Variants in ZBTB7A observed in about 807,000 individuals in gnomAD.
The protein encoded by ZBTB7A is zinc finger and BTB domain-containing protein 7A.
ZBTB7A carries 7 observed loss-of-function variants against 26.7 expected under a neutral mutation model. The observed-to-expected ratio is 0.26, with a 90% CI of 0.15 to 0.49. The LOEUF (loss-of-function observed/expected upper bound fraction) is 0.49. Ranked by LOEUF, ZBTB7A falls within the 20% of genes least tolerant of loss-of-function variation. The pLI, the probability that ZBTB7A is intolerant of heterozygous loss-of-function variation, is 0.98. For missense variants in ZBTB7A, 617 were observed against 919.5 expected, an observed-to-expected ratio of 0.67 and a Z score of 4.25; for synonymous variants, 452 against 441.0, an observed-to-expected ratio of 1.02 and a Z score of -0.31.
At position 4,049,554 on chromosome 19, in the gene ZBTB7A, C is replaced by T. The variant is rs550680619; in HGVS notation, c.1263-1310G>A. Among the ~76,000 whole-genome samples the T allele has an allele frequency of 4.6e-5, 7 of 152,190 alleles. No individual in the cohort carries two copies. The East Asian group carries it at 5.8e-4, about 13-fold the overall frequency. On this transcript the variant is annotated intron_variant, in intron 2 of 2. Coordinates refer to ENST00000322357, the MANE Select transcript of ZBTB7A (RefSeq NM_015898.4). ...ATCCCTGCCCTCTCGAGGCTGGCGGCGGCCGAGGTGTTTGGTGACAGATAG... is the reference window on the plus strand; with the variant it reads ...ATCCCTGCCCTCTCGAGGCTGGCGGTGGCCGAGGTGTTTGGTGACAGATAG...
intron 2 of ZBTB7A, among the ~76,000 whole-genome samples, chr19:4,049,126 T>C (rs1043160340): frequency 7.6e-6 from 1 of 131,356 alleles, no homozygotes; most frequent in African/African-American, 2.8e-5. Context: ...CACCACACCC[T>C]ATTAAATAGC....
At chr19:4,049,431 G>A (rs2040473375) in intron 2 of ZBTB7A, among the ~76,000 whole-genome samples, 1 of 151,220 alleles carries the variant, frequency 6.6e-6, no homozygotes, top group Non-Finnish European at 1.5e-5. Context: ...CCAGTGCCTG[G>A]TGCCTTCATT....
chr19:4,050,303 C>T (rs983609309), intron 2 of ZBTB7A, among the ~76,000 whole-genome samples: 7 of 152,168 alleles, frequency 4.6e-5, no homozygotes, highest in East Asian at 1.9e-4. Context: ...TCAAGTGATC[C>T]GCCTGCCTCG....
rs750989184 is a variant in ZBTB7A at position 4,048,276 on chromosome 19, G to A, written c.1263-32C>T. 8 of 1,541,242 alleles carry A rather than the reference G, an allele frequency of 5.2e-6. No individual in the cohort carries two copies. Among genetic ancestry groups the A allele is most frequent in the East Asian group, 2.5e-5 (1 of 39,420 alleles). Reference sequence around the variant, plus strand: ...ACGGGGCACGGGGCGGGCACGGTCAGTGGGGCCGGGGACCCCCGATCCCCG... The same window carrying A: ...ACGGGGCACGGGGCGGGCACGGTCAATGGGGCCGGGGACCCCCGATCCCCG... On this transcript the variant is annotated intron_variant, in intron 2 of 2. Transcript: ENST00000322357. This position sits in a 1 kb window ranked among gnomAD's most constrained non-coding sequence, Gnocchi z 6.7.
At chr19:4,064,477 C>A (rs556761979) in intron 1 of ZBTB7A, among the ~76,000 whole-genome samples, 1 of 152,376 alleles carries the variant, frequency 6.6e-6, no homozygotes, top group East Asian at 1.9e-4. Flanking sequence ...CTGGCAGCAG[C>A]AGGGCTGGGC....
intron 1 of ZBTB7A, among the ~76,000 whole-genome samples, chr19:4,061,373 C>T (rs1599262217): frequency 6.6e-6 from 1 of 152,278 alleles, no homozygotes; most frequent in East Asian, 1.9e-4. Context: ...GCAGCCCCCG[C>T]CCCCTCCCCG....
chr19:4,055,312 C>G, intron 1 of ZBTB7A, 65 bp from the exon 2 acceptor site: 1 of 1,428,218 alleles, frequency 7.0e-7, no homozygotes, highest in Non-Finnish European at 9.1e-7. Flanking sequence ...TGCCCACTGA[C>G]AAGGGCCCGA....
At position 4,045,705 on chromosome 19, in the gene ZBTB7A, C is replaced by T. The variant is rs2040407392; in HGVS notation, c.*2047G>A. Reference sequence around the variant, plus strand: ...CAGCAGAGCGTCTATTTTCGGGGTCCCATGCTAGCATTGCATATGCAAACG... The same window carrying T: ...CAGCAGAGCGTCTATTTTCGGGGTCTCATGCTAGCATTGCATATGCAAACG... On this transcript the variant is annotated 3_prime_UTR_variant, in exon 3 of 3. Transcript: ENST00000322357. The surrounding 1 kb of genome is among the most constrained non-coding windows in gnomAD (Gnocchi z 4.1). 1 of 393,470 alleles carries T rather than the reference C, an allele frequency of 2.5e-6. No homozygotes were observed. Among genetic ancestry groups the T allele is most frequent in the East Asian group, 3.6e-5 (1 of 27,634 alleles). 24.4% of individuals were successfully genotyped at this position (393,470 alleles called of 1,614,324 possible).
intron 1 of ZBTB7A, among the ~76,000 whole-genome samples, chr19:4,064,275 T>C (rs531084923): frequency 1.3e-5 from 2 of 152,322 alleles, no homozygotes; most frequent in East Asian, 1.9e-4. Flanking sequence ...AGTGTCCCGG[T>C]TGGCTCTTCT....
At chr19:4,050,250 G>A (rs372307852) in intron 2 of ZBTB7A, among the ~76,000 whole-genome samples, 1 of 151,970 alleles carries the variant, frequency 6.6e-6, no homozygotes, top group African/African-American at 2.4e-5. Context: ...AATGGAGACA[G>A]GGTTTTCACC....
At chr19:4,053,641 ATG>A (rs1047569939) in intron 2 of ZBTB7A, among the ~76,000 whole-genome samples, 5 of 143,458 alleles carry the variant, frequency 3.5e-5, no homozygotes, top group East Asian at 2.1e-4. Context: ...CTGTGTCTGC[ATG>A]TGTCTGTGTA....
chr19:4,065,482 G>C (rs1341689994), intron 1 of ZBTB7A: 1 of 146,672 alleles, frequency 6.8e-6, no homozygotes, highest in Non-Finnish European at 1.5e-5. Context: ...GGCGGTGGCG[G>C]CGGCTGCGGC....
At chr19:4,059,039 G>A (rs143729761) in intron 1 of ZBTB7A, among the ~76,000 whole-genome samples, 28 of 152,306 alleles carry the variant, frequency 1.8e-4, no homozygotes, top group African/African-American at 6.5e-4. Context: ...GGAAGCCTCC[G>A]AGGAGTCCCC....
chr19:4,054,312 G>A lies in ZBTB7A; in HGVS notation c.921C>T (p.Asp307=), dbSNP rs1289164542. Residue 307 remains aspartate (D), a synonymous_variant, in exon 2 of 3, where the codon GAC becomes GAT. Coordinates refer to ENST00000322357, the MANE Select transcript of ZBTB7A (RefSeq NM_015898.4). The stretch of plus-strand genomic sequence containing the variant: ...CCGCCAGCCCGTCCACGTCGGGCCC[G>A]TCCCCGTCCTCGCCCTCGGCCGCTC... The part of the protein sequence containing the change: ...LSGAAEGEDG[D]GPDVDGLAAS... The A allele has an allele frequency of 1.3e-5, 20 of 1,527,700 alleles. No homozygotes were observed. The highest frequency in any genetic ancestry group is 1.6e-5 in the Non-Finnish European group (18 of 1,144,040). 94.6% of individuals were successfully genotyped at this position (1,527,700 alleles called of 1,614,324 possible). A position where few individuals can be genotyped will look rare whatever the true frequency, so the allele number is the denominator to read the frequency against.
Position 4,054,266 on chromosome 19 carries a change from T to C in ZBTB7A, c.967A>G (p.Met323Val), listed in dbSNP as rs898960768. The C allele has an allele frequency of 6.4e-7, 1 of 1,570,094 alleles. No individual in the cohort carries two copies. Among genetic ancestry groups the C allele is most frequent in the African/African-American group, 1.3e-5 (1 of 74,230 alleles). The change falls in exon 2 of 3, where the codon ATG becomes GTG. Residue 323 changes from methionine (M) to valine (V), a missense_variant. Met to Val is a conservative substitution (Grantham distance 21). Transcript: ENST00000322357. ...GLAASTLLQQ[M>V]MSSVGRAGAA... ...CCCGCCCGGCCCACCGATGACATCA[T>C]CTGCTGCAGCAGCGTGCTGGCCGCC...
At chr19:4,062,694 C>T (rs2145008153) in intron 1 of ZBTB7A, 1 of 152,330 alleles carries the variant, frequency 6.6e-6, no homozygotes, top group Non-Finnish European at 1.5e-5. Context: ...CTCATACCCT[C>T]AGAGCTGCCT....
intron 2 of ZBTB7A, among the ~76,000 whole-genome samples, chr19:4,051,685 C>A (rs2040505678): frequency 6.6e-6 from 1 of 152,252 alleles, no homozygotes; most frequent in Admixed American, 6.5e-5. Flanking sequence ...AAGCCCACGG[C>A]AAGGTCTCCG....
rs1179969126 is a variant in ZBTB7A, at chr19:4,044,280, C to T, written c.*3472G>A. 1.3e-5 allele frequency: 2 copies of T among 152,088 alleles called. No homozygotes were observed. The highest frequency in any genetic ancestry group is 2.9e-5 in the Non-Finnish European group (2 of 68,018). 9.4% of individuals were successfully genotyped at this position (152,088 alleles called of 1,614,324 possible). A position where few individuals can be genotyped will look rare whatever the true frequency, so the allele number is the denominator to read the frequency against. ...AGACTTTGGTATCGCCCGCTCGAGCCTGCCTGGCTGCAGGTCCACACCCAT... is the reference window on the plus strand; with the variant it reads ...AGACTTTGGTATCGCCCGCTCGAGCTTGCCTGGCTGCAGGTCCACACCCAT... On this transcript the variant is annotated 3_prime_UTR_variant, in exon 3 of 3. Transcript: ENST00000322357.
intron 1 of ZBTB7A, chr19:4,065,770 G>C (rs1398992262): frequency 1.4e-5 from 2 of 141,494 alleles, no homozygotes; most frequent in African/African-American, 5.1e-5. Flanking sequence ...GCCGAGGGGA[G>C]GGGGGCTGGG....
Sources: gnomAD v4.1 joint callset for allele counts (sites outside exome capture counted in the v4.1 genomes callset) on GRCh38, gnomAD v4.1.1 for gene constraint, Gnocchi (gnomAD v3.1) non-coding constraint, MANE v1.5 for transcripts, NCBI Gene and HGNC (gene_info 2026-07-23, HGNC 2026-07-21) for gene names.